Variants in TCF20 observed in about 807,000 individuals in gnomAD.
TCF20 encodes transcription factor 20.
In TCF20, 3 loss-of-function variants were observed where a neutral mutation model predicts 148.6. The ratio of observed to expected loss-of-function variants is 0.02; its 90% CI spans 0.01 to 0.05. The LOEUF is 0.05. TCF20 is among the 10% of genes least tolerant of loss of function. The probability of loss-of-function intolerance (pLI) is 1.00; values close to 1 mark genes in which losing one functional copy is unlikely to be tolerated. For synonymous variants in TCF20, 1,049 were observed against 909.5 expected (o/e 1.15, Z -2.76); for missense variants, 2,350 against 2,429.3 (o/e 0.97, Z 0.69).
intron 1 of TCF20, among the ~76,000 whole-genome samples, chr22:42,232,017 T>G: frequency 6.6e-6 from 1 of 152,176 alleles, no homozygotes; most frequent in East Asian, 1.9e-4. Flanking sequence ...GTAGTCCAAA[T>G]GTACAGTGTT....
chr22:42,211,860 A>C lies in TCF20; in HGVS notation c.3446T>G (p.Val1149Gly). 1 of 1,614,136 alleles carries C rather than the reference A, an allele frequency of 6.2e-7. No individual in the cohort carries two copies. Among genetic ancestry groups the C allele is most frequent in the East Asian group, 2.2e-5 (1 of 44,878 alleles). ...GGCACTGGGGTCATGGTAAGTCCCC[A>C]CTGGTGGGCCATACATCATACCATC... is the stretch of plus-strand genomic sequence containing the variant. ...DKDGMMYGPPVGTYHDPSAQE... is the reference protein window; with the variant it reads ...DKDGMMYGPPGGTYHDPSAQE... The change falls in exon 2 of 6, where the codon GTG (valine) becomes GGG (glycine). Residue 1149 changes from valine to glycine, a missense_variant. Coordinates refer to ENST00000677622, the MANE Select transcript of TCF20 (RefSeq NM_001378418.1).
chr22:42,202,739 G>A (rs1282753557), intron 2 of TCF20, among the ~76,000 whole-genome samples: 3 of 152,364 alleles, frequency 2.0e-5, no homozygotes, highest in African/African-American at 7.2e-5. Flanking sequence ...GATGAAGCAA[G>A]CCGTATCTTT....
At chr22:42,313,551 G>A (rs1401890727) in intron 1 of TCF20, among the ~76,000 whole-genome samples, 1 of 150,718 alleles carries the variant, frequency 6.6e-6, no homozygotes, top group African/African-American at 2.5e-5. Flanking sequence ...GACCCTGGAT[G>A]TCCCCAAGAC....
chr22:42,164,110 G>T (rs528171199), intron 5 of TCF20, among the ~76,000 whole-genome samples: 176 of 152,228 alleles, frequency 1.2e-3, no homozygotes, highest in African/African-American at 4.0e-3. Context: ...GACTAGAGAG[G>T]GAGGATATGA....
At chr22:42,343,310 A>C (rs935124692) in intron 1 of TCF20, among the ~76,000 whole-genome samples, 1 of 152,110 alleles carries the variant, frequency 6.6e-6, no homozygotes, top group East Asian at 1.9e-4. Flanking sequence ...CAGGCGCGCG[A>C]TAAGTGCCAG....
At chr22:42,320,177 T>C (rs1927706301) in intron 1 of TCF20, among the ~76,000 whole-genome samples, 1 of 152,216 alleles carries the variant, frequency 6.6e-6, no homozygotes, top group South Asian at 2.1e-4. Flanking sequence ...ACCCGCCTTC[T>C]GGCTGTTTCT....
intron 3 of TCF20, among the ~76,000 whole-genome samples, 166 bp from the exon 4 acceptor site, chr22:42,170,062 T>A (rs1790850353): frequency 6.6e-6 from 1 of 152,152 alleles, no homozygotes. Context: ...TACCTTAACA[T>A]GATGGATATC....
intron 1 of TCF20, among the ~76,000 whole-genome samples, chr22:42,250,996 G>A (rs542640359): frequency 6.6e-6 from 1 of 152,222 alleles, no homozygotes; most frequent in South Asian, 2.1e-4. Context: ...AGCATCAAGG[G>A]GATGGTACTA....
chr22:42,338,569 G>A lies in TCF20; in HGVS notation c.-37+4910C>T, dbSNP rs987776674. On this transcript the variant is annotated intron_variant, in intron 1 of 1. Coordinates refer to the TCF20 transcript ENST00000515426. The surrounding 1 kb of genome is among the most constrained non-coding windows in gnomAD (Gnocchi z 4.0). ...TACCGAGGAGGCCCGGGAGGGAGGC[G>A]GGGAGGCTGGCGAGAGGCTTAATGA... Among the ~76,000 whole-genome samples, 1 of 152,246 alleles carries A rather than the reference G, an allele frequency of 6.6e-6. No individual in the cohort carries two copies. Among genetic ancestry groups the A allele is most frequent in the Non-Finnish European group, 1.5e-5 (1 of 68,048 alleles).
chr22:42,223,613 A>G (rs1922579217), intron 1 of TCF20, among the ~76,000 whole-genome samples: 1 of 152,210 alleles, frequency 6.6e-6, no homozygotes, highest in East Asian at 1.9e-4. Context: ...ATGGTAAACA[A>G]TGAGATAAGA....
At chr22:42,295,741 A>G (rs1210565158) in intron 1 of TCF20, among the ~76,000 whole-genome samples, 1 of 151,792 alleles carries the variant, frequency 6.6e-6, no homozygotes, top group Non-Finnish European at 1.5e-5. Flanking sequence ...CGCCCGGCCT[A>G]CTCCCTTATG....
chr22:42,167,302 C>T (rs4453786), intron 5 of TCF20, among the ~76,000 whole-genome samples: 30,659 of 152,114 alleles, frequency 0.2, 3,259 homozygotes, highest in East Asian at 0.34. Context: ...GGGCCTTCTC[C>T]GGAAATTAGT....
rs557864680 is a variant in TCF20 at position 42,169,918 on chromosome 22, T to C, written c.5750-22A>G. 1.2e-5 allele frequency: 20 copies of C among 1,612,386 alleles called. No homozygotes were observed. In the African/African-American group the frequency reaches 2.7e-4, roughly 22 times the overall value. ...CAATCTGGAAGACAGAAGGGGACAG[T>C]CAGATGGAGACTTCACAGCTGGACA... On this transcript the variant is annotated intron_variant, in intron 3 of 5. Coordinates refer to ENST00000677622, the MANE Select transcript of TCF20 (RefSeq NM_001378418.1).
chr22:42,333,815 G>T (rs1928019260), intron 1 of TCF20, among the ~76,000 whole-genome samples: 1 of 152,202 alleles, frequency 6.6e-6, no homozygotes, highest in South Asian at 2.1e-4. Flanking sequence ...CCCACTATGT[G>T]CCAGGCCTGG....
intron 3 of TCF20, among the ~76,000 whole-genome samples, chr22:42,176,530 C>T (rs1227842365): frequency 6.6e-6 from 1 of 152,176 alleles, no homozygotes; most frequent in African/African-American, 2.4e-5. Flanking sequence ...CTATGGACAG[C>T]GTGGCTGCCT....
At chr22:42,289,596 G>A (rs1927096086) in intron 1 of TCF20, among the ~76,000 whole-genome samples, 1 of 152,234 alleles carries the variant, frequency 6.6e-6, no homozygotes. Context: ...GGTGTAAAGT[G>A]TGCGGTGAAG....
At chr22:42,196,742 CT>C (rs1937614523) in intron 2 of TCF20, among the ~76,000 whole-genome samples, 1 of 150,758 alleles carries the variant, frequency 6.6e-6, no homozygotes, top group Non-Finnish European at 1.5e-5. Flanking sequence ...GAAACTTCCA[CT>C]AGCTGCTCCG....
chr22:42,275,657 G>A (rs892852400), intron 1 of TCF20, among the ~76,000 whole-genome samples: 3 of 152,212 alleles, frequency 2.0e-5, no homozygotes, highest in Admixed American at 6.5e-5. Context: ...CCATGAGGCA[G>A]GGATTGTCAT....
At chr22:42,199,333 G>A (rs770268051) in intron 2 of TCF20, among the ~76,000 whole-genome samples, 22 of 152,056 alleles carry the variant, frequency 1.4e-4, no homozygotes, top group African/African-American at 1.9e-4. Flanking sequence ...TGGGCAGAGC[G>A]ACGATTCCCA....
Sources: allele counts gnomAD v4.1 joint callset (sites outside exome capture counted in the v4.1 genomes callset), GRCh38; gene constraint gnomAD v4.1.1; non-coding constraint Gnocchi (gnomAD v3.1); transcripts MANE v1.5; gene names NCBI Gene and HGNC (gene_info 2026-07-23, HGNC 2026-07-21).